The following TRABD2B variants were observed in gnomAD, a reference collection of about 807,000 sequenced individuals.
The protein encoded by TRABD2B is TraB domain containing 2B, also known as metalloprotease TIKI2.
In TRABD2B, 14 loss-of-function variants were observed where a neutral mutation model predicts 40.1. The ratio of observed to expected loss-of-function variants is 0.35; its 90% CI spans 0.23 to 0.55. The LOEUF (loss-of-function observed/expected upper bound fraction) is 0.55, where lower values mean the gene tolerates loss of function less well. TRABD2B is among the 20% of genes least tolerant of loss of function. The probability of loss-of-function intolerance (pLI) is 0.90; values close to 1 mark genes in which losing one functional copy is unlikely to be tolerated. For synonymous variants in TRABD2B, 263 were observed against 277.0 expected (o/e 0.95, Z 0.50); for missense variants, 541 against 648.6 (o/e 0.83, Z 1.80).
At chr1:47,859,451 CCAA>C (rs1391593140) in intron 2 of TRABD2B, among the ~76,000 whole-genome samples, 1 of 152,236 alleles carries the variant, frequency 6.6e-6, no homozygotes, top group Non-Finnish European at 1.5e-5. Context: ...ATACTTCTTC[CCAA>C]CAACTGTGTG....
At chr1:47,909,373 T>C (rs1644719756) in intron 2 of TRABD2B, among the ~76,000 whole-genome samples, 1 of 150,294 alleles carries the variant, frequency 6.7e-6, no homozygotes, top group Non-Finnish European at 1.5e-5. Context: ...GGACCAGCCA[T>C]GTCACAGGGC....
chr1:47,965,214 A>AGGGGGGGGCGGGG (rs1312482961), intron 2 of TRABD2B, among the ~76,000 whole-genome samples: 1 of 2,768 alleles, frequency 3.6e-4, no homozygotes. Flanking sequence ...GGGGGGGTGG[A>AGGGGGGGGCGGGG]GGGGGGGGTG....
At chr1:47,914,987 A>T (rs1422395107) in intron 2 of TRABD2B, among the ~76,000 whole-genome samples, 2 of 152,222 alleles carry the variant, frequency 1.3e-5, no homozygotes, top group Non-Finnish European at 2.9e-5. Flanking sequence ...GACAGACATG[A>T]AAGCAGCCCA....
At chr1:47,909,699 C>T (rs984495583) in intron 2 of TRABD2B, among the ~76,000 whole-genome samples, 2 of 149,874 alleles carry the variant, frequency 1.3e-5, no homozygotes, top group East Asian at 2.0e-4. Context: ...ATGAAGGATC[C>T]GCCTCCATGA....
At chr1:47,766,237 G>A (rs899343098) in intron 6 of TRABD2B, 131 bp from the exon 7 acceptor site, 1 of 626,470 alleles carries the variant, frequency 1.6e-6, no homozygotes, top group African/African-American at 1.8e-5. Context: ...AGGAGCTTGA[G>A]CAGGCAAACC....
intron 2 of TRABD2B, among the ~76,000 whole-genome samples, chr1:47,852,803 T>A (rs912437307): frequency 6.6e-6 from 1 of 152,198 alleles, no homozygotes; most frequent in Non-Finnish European, 1.5e-5. Context: ...TTCCCAAGTG[T>A]CTTCGACTGA....
chr1:47,972,009 A>G (rs1341881601), intron 2 of TRABD2B, among the ~76,000 whole-genome samples: 1 of 152,254 alleles, frequency 6.6e-6, no homozygotes, highest in African/African-American at 2.4e-5. Flanking sequence ...AAACCTCAAG[A>G]TAAGTCCACA....
Position 47,807,240 on chromosome 1 carries a change from C to T in TRABD2B, c.667-5621G>A, listed in dbSNP as rs114653147. Among the ~76,000 whole-genome samples the T allele has an allele frequency of 5.4e-3, 821 of 152,344 alleles. 8 individuals are homozygous for T. The highest frequency in any genetic ancestry group is 0.019 in the African/African-American group (775 of 41,570). On this transcript the variant is annotated intron_variant, in intron 2 of 6. Coordinates refer to ENST00000606738, the MANE Select transcript of TRABD2B (RefSeq NM_001194986.2). The stretch of plus-strand genomic sequence containing the variant: ...AACAGGCAAAGAAGGGGTTACTATG[C>T]TGCCTGGAATGATTGATCCTGACTA...
chr1:47,892,480 C>T (rs146718866), intron 2 of TRABD2B, among the ~76,000 whole-genome samples: 62 of 152,224 alleles, frequency 4.1e-4, no homozygotes, highest in African/African-American at 1.4e-3. Flanking sequence ...AGAGTTTGTA[C>T]GAAGAGAGAA....
intron 3 of TRABD2B, among the ~76,000 whole-genome samples, chr1:47,796,252 T>C (rs1160938762): frequency 6.6e-6 from 1 of 152,168 alleles, no homozygotes; most frequent in Admixed American, 6.5e-5. Flanking sequence ...GTCAGTGTCA[T>C]TCCAACCTCC....
chr1:47,862,184 C>A (rs1296004128), intron 2 of TRABD2B, among the ~76,000 whole-genome samples: 2 of 152,176 alleles, frequency 1.3e-5, no homozygotes, highest in East Asian at 3.8e-4. Context: ...AGATCAGGAA[C>A]AAAGCAAGGA....
At chr1:47,824,529 TTCAC>T (rs1267755392) in intron 2 of TRABD2B, among the ~76,000 whole-genome samples, 2 of 152,174 alleles carry the variant, frequency 1.3e-5, no homozygotes, top group Non-Finnish European at 2.9e-5. Context: ...AGGCACACAG[TTCAC>T]CTGGTAGGCA....
chr1:47,795,631 T>C (rs1290388260), intron 3 of TRABD2B: 1 of 983,904 alleles, frequency 1.0e-6, no homozygotes, highest in Non-Finnish European at 1.2e-6. Flanking sequence ...ATTGTGGGGA[T>C]TCAATAAGAG....
In TRABD2B at chr1:47,779,982, T is replaced by C. The variant is rs114272403; in HGVS notation, c.989-1438A>G. The stretch of plus-strand genomic sequence containing the variant: ...AGTGGCTGGAGCAGAGAATGAACCG[T>C]GCTGCTGTCTTGCCCCACCAGCCTC... On this transcript the variant is annotated intron_variant, in intron 4 of 6. Transcript: ENST00000606738. 2.0e-3 allele frequency among the ~76,000 whole-genome samples: 305 copies of C among 152,290 alleles called. 3 individuals carry two copies. Among genetic ancestry groups the C allele is most frequent in the African/African-American group, 7.0e-3 (292 of 41,560 alleles).
chr1:47,806,513 A>C (rs1644894242), intron 2 of TRABD2B, among the ~76,000 whole-genome samples: 1 of 152,152 alleles, frequency 6.6e-6, no homozygotes, highest in South Asian at 2.1e-4. Context: ...AGGCTTTGAC[A>C]TGGAATAACA....
chr1:47,771,941 C>T (rs966335418), intron 6 of TRABD2B, among the ~76,000 whole-genome samples: 1 of 152,188 alleles, frequency 6.6e-6, no homozygotes, highest in African/African-American at 2.4e-5. Flanking sequence ...CTCCTTCTCA[C>T]ACTCGCTCCC....
chr1:47,781,456 A>G (rs1291682539), intron 4 of TRABD2B, among the ~76,000 whole-genome samples: 1 of 152,212 alleles, frequency 6.6e-6, no homozygotes, highest in African/African-American at 2.4e-5. Flanking sequence ...CCGATGGTGC[A>G]GGCCTCACCG....
intron 2 of TRABD2B, among the ~76,000 whole-genome samples, chr1:47,834,556 T>C (rs1412052577): frequency 1.4e-5 from 2 of 144,556 alleles, no homozygotes; most frequent in Non-Finnish European, 3.0e-5. Context: ...GTTAAGGATG[T>C]GCTCCAACAC....
chr1:47,812,286 G>A (rs759284286), intron 2 of TRABD2B, among the ~76,000 whole-genome samples: 8 of 152,218 alleles, frequency 5.3e-5, no homozygotes, highest in Non-Finnish European at 7.3e-5. Context: ...AGGAGATGAC[G>A]GAAGGCACGG....
Sources: gnomAD v4.1 joint callset for allele counts (sites outside exome capture counted in the v4.1 genomes callset) on GRCh38, gnomAD v4.1.1 for gene constraint, MANE v1.5 for transcripts, NCBI Gene and HGNC (gene_info 2026-07-23, HGNC 2026-07-21) for gene names.